The following WDR70 variants were observed in gnomAD, a reference collection of about 807,000 sequenced individuals.
The protein encoded by WDR70 is WD repeat domain 70.
Under a neutral mutation model 88.6 loss-of-function variants are expected in WDR70, and 53 were observed. The observed-to-expected ratio is 0.60, with a 90% CI of 0.48 to 0.75. The LOEUF (loss-of-function observed/expected upper bound fraction) is 0.75, where lower values mean the gene tolerates loss of function less well. WDR70 is among the 30% of genes least tolerant of loss of function. The pLI is 0.00. For synonymous variants in WDR70, 280 were observed against 270.0 expected (o/e 1.04, Z -0.36); for missense variants, 610 against 823.2 (o/e 0.74, Z 3.17).
chr5:37,710,157 G>A (rs889089368), intron 13 of WDR70, among the ~76,000 whole-genome samples: 2 of 152,030 alleles, frequency 1.3e-5, no homozygotes, highest in Non-Finnish European at 2.9e-5. Context: ...AGTTAGGGAA[G>A]ATGACAGGAA....
chr5:37,594,573 A>AGTGT (rs937669573), intron 9 of WDR70, among the ~76,000 whole-genome samples: 2 of 152,174 alleles, frequency 1.3e-5, no homozygotes, highest in African/African-American at 4.8e-5. Flanking sequence ...GAAGTCAGGT[A>AGTGT]GTGTGATGCC....
intron 9 of WDR70, among the ~76,000 whole-genome samples, chr5:37,545,672 C>T (rs140032312): frequency 0.015 from 2,320 of 152,060 alleles, 53 homozygotes; most frequent in African/African-American, 0.053. Context: ...CAGGTATGCA[C>T]CACCATGCCC....
chr5:37,561,165 C>A (rs1328523822), intron 9 of WDR70, among the ~76,000 whole-genome samples: 1 of 152,132 alleles, frequency 6.6e-6, no homozygotes, highest in African/African-American at 2.4e-5. Context: ...TTGGCTATTA[C>A]AGACTTGCCA....
chr5:37,677,637 G>C (rs1746275167), intron 10 of WDR70, among the ~76,000 whole-genome samples: 1 of 152,156 alleles, frequency 6.6e-6, no homozygotes, highest in Non-Finnish European at 1.5e-5. Context: ...CATTTGCTGA[G>C]GAGAGCTTTA....
chr5:37,439,208 G>A (rs1750576933), intron 6 of WDR70, among the ~76,000 whole-genome samples: 1 of 152,052 alleles, frequency 6.6e-6, no homozygotes, highest in South Asian at 2.1e-4. Flanking sequence ...GTGAGCCACC[G>A]TTCCCGGCTT....
At chr5:37,706,735 A>G (rs868529085) in intron 13 of WDR70, among the ~76,000 whole-genome samples, 1 of 123,878 alleles carries the variant, frequency 8.1e-6, no homozygotes, top group East Asian at 2.6e-4. Flanking sequence ...ACACACACAC[A>G]CACGCACACA....
intron 9 of WDR70, among the ~76,000 whole-genome samples, chr5:37,545,065 C>T (rs915766118): frequency 6.6e-6 from 1 of 152,084 alleles, no homozygotes; most frequent in Non-Finnish European, 1.5e-5. Flanking sequence ...AATTTAACAT[C>T]TCTGTAATTT....
At chr5:37,721,371 T>A in intron 14 of WDR70, 156 bp downstream of exon 14, 1 of 650,194 alleles carries the variant, frequency 1.5e-6, no homozygotes, top group Non-Finnish European at 2.6e-6. Context: ...CTCCTGGTAT[T>A]GTGCTTTAAA....
intron 10 of WDR70, among the ~76,000 whole-genome samples, chr5:37,628,484 T>C (rs528720439): frequency 1.3e-4 from 20 of 152,360 alleles, no homozygotes; most frequent in Non-Finnish European, 2.9e-5. Flanking sequence ...TTTGTCACTT[T>C]ATAGCTTTTA....
intron 10 of WDR70, among the ~76,000 whole-genome samples, chr5:37,683,203 A>G (rs188556479): frequency 6.6e-6 from 1 of 152,250 alleles, no homozygotes. Flanking sequence ...ATTTTTCTCC[A>G]TCCCTTTATC....
intron 7 of WDR70, among the ~76,000 whole-genome samples, chr5:37,464,753 G>C (rs1026571177): frequency 1.3e-5 from 2 of 152,290 alleles, no homozygotes; most frequent in Admixed American, 1.3e-4. Flanking sequence ...GGGTGCTGCT[G>C]ACTGCTGTGC....
chr5:37,533,879 G>A (rs567228678), intron 9 of WDR70, among the ~76,000 whole-genome samples: 3 of 152,240 alleles, frequency 2.0e-5, no homozygotes, highest in East Asian at 3.9e-4. Flanking sequence ...CACCTGCATC[G>A]AGTCTATTTC....
chr5:37,498,453 C>T (rs984802980), intron 8 of WDR70, among the ~76,000 whole-genome samples: 4 of 152,150 alleles, frequency 2.6e-5, no homozygotes, highest in Non-Finnish European at 2.9e-5. Context: ...TATGCTTCTG[C>T]CTCTGGATAC....
chr5:37,616,105 T>C (rs34719649), intron 10 of WDR70, among the ~76,000 whole-genome samples: 9,052 of 152,210 alleles, frequency 0.059, 368 homozygotes, highest in Non-Finnish European at 0.091. Context: ...GTATCTTCCA[T>C]AACTTTCTCC....
chr5:37,701,207 A>G (rs1561079964), intron 12 of WDR70, 65 bp downstream of exon 12: 7 of 1,006,326 alleles, frequency 7.0e-6, no homozygotes, highest in Admixed American at 1.9e-5. Context: ...TTTTACTTTA[A>G]TGTTAATTTA....
At chr5:37,394,844 G>T (rs944048200) in intron 4 of WDR70, among the ~76,000 whole-genome samples, 7 of 152,172 alleles carry the variant, frequency 4.6e-5, no homozygotes, top group African/African-American at 1.7e-4. Flanking sequence ...TGGCTCAAAT[G>T]TAGAAACTCA....
At chr5:37,666,030 C>G (rs1212000024) in intron 10 of WDR70, among the ~76,000 whole-genome samples, 1 of 152,180 alleles carries the variant, frequency 6.6e-6, no homozygotes, top group Admixed American at 6.5e-5. Flanking sequence ...GCTTGGCAGC[C>G]AGGCTGAGGG....
chr5:37,494,372 G>A (rs1417418956), intron 8 of WDR70, among the ~76,000 whole-genome samples: 1 of 152,202 alleles, frequency 6.6e-6, no homozygotes, highest in Admixed American at 6.5e-5. Flanking sequence ...ATGTAAATTT[G>A]TAGAAACAAT....
intron 10 of WDR70, among the ~76,000 whole-genome samples, chr5:37,635,651 GA>G (rs995755872): frequency 4.6e-5 from 7 of 151,672 alleles, no homozygotes; most frequent in East Asian, 1.9e-4. Context: ...AACTGAAAAG[GA>G]AAAAAAATTG....
Sources: gnomAD v4.1 joint callset for allele counts (sites outside exome capture counted in the v4.1 genomes callset) on GRCh38, gnomAD v4.1.1 for gene constraint, MANE v1.5 for transcripts, NCBI Gene and HGNC (gene_info 2026-07-23, HGNC 2026-07-21) for gene names.